Variants in BRDT observed in about 807,000 individuals in gnomAD.
BRDT encodes the protein bromodomain testis associated, also known as bromodomain testis-specific protein.
In BRDT, 77 loss-of-function variants were observed where a neutral mutation model predicts 113.9. That is an observed-to-expected ratio of 0.68 (90% CI 0.56 to 0.82). The LOEUF (loss-of-function observed/expected upper bound fraction) is 0.82. Ranked by LOEUF, BRDT falls within the 40% of genes least tolerant of loss-of-function variation. The probability of loss-of-function intolerance (pLI) is 0.00; values close to 1 mark genes in which losing one functional copy is unlikely to be tolerated. For missense variants in BRDT, 1,027 were observed against 1,105.4 expected, an observed-to-expected ratio of 0.93 and a Z score of 1.01; for synonymous variants, 358 against 366.5, an observed-to-expected ratio of 0.98 and a Z score of 0.26.
intron 5 of BRDT, among the ~76,000 whole-genome samples, chr1:91,976,749 T>C (rs1684173887): frequency 6.6e-6 from 1 of 152,194 alleles, no homozygotes; most frequent in South Asian, 2.1e-4. Context: ...TTTTCAGGTG[T>C]TCAGAAACTT....
chr1:92,004,762 A>T (rs942796627), intron 17 of BRDT, 143 bp downstream of exon 17: 2 of 719,916 alleles, frequency 2.8e-6, no homozygotes, highest in African/African-American at 3.6e-5. Flanking sequence ...AGTACATTTG[A>T]TACTTTTTCT....
chr1:91,987,775 A>G (rs1310165924), intron 12 of BRDT, among the ~76,000 whole-genome samples: 4 of 151,896 alleles, frequency 2.6e-5, no homozygotes, highest in Non-Finnish European at 5.9e-5. Flanking sequence ...CAGTGCTTTG[A>G]TTGATGATAG....
intron 15 of BRDT, among the ~76,000 whole-genome samples, chr1:91,998,179 A>G (rs1686517874): frequency 2.0e-5 from 3 of 152,138 alleles, no homozygotes; most frequent in Admixed American, 2.0e-4. Context: ...TGCCGCCATG[A>G]AAAGGGATGA....
chr1:92,011,561 G>C (rs959351133), intron 18 of BRDT, among the ~76,000 whole-genome samples: 1 of 152,018 alleles, frequency 6.6e-6, no homozygotes, highest in African/African-American at 2.4e-5. Flanking sequence ...TTTCTGTAGT[G>C]ATGTAAAATG....
intron 1 of BRDT, among the ~76,000 whole-genome samples, chr1:91,952,761 T>C (rs1272343174): frequency 8.5e-6 from 1 of 117,166 alleles, no homozygotes; most frequent in African/African-American, 3.4e-5. Context: ...CTGGGTAACG[T>C]AGTGAGACCC....
At chr1:91,995,403 CTGTGTGTGTGTGTGTGTG>C (rs200254179) in intron 15 of BRDT, among the ~76,000 whole-genome samples, 9,727 of 146,694 alleles carry the variant, frequency 0.066, 373 homozygotes, top group Non-Finnish European at 0.096. Context: ...CCCTACTATT[CTGTGTGTGTGTGTGTGTG>C]TGTGTGTGTG....
chr1:91,974,724 T>C (rs973865211), intron 4 of BRDT, among the ~76,000 whole-genome samples: 35 of 152,154 alleles, frequency 2.3e-4, no homozygotes, highest in Non-Finnish European at 4.1e-4. Context: ...GTCAGTGTGG[T>C]GATTCCTCAG....
Position 92,006,782 on chromosome 1 carries a change from T to TTTTTA in BRDT, c.2775+1498_2775+1502dup, listed in dbSNP as rs1304258002. On this transcript the variant is annotated intron_variant, in intron 18 of 18. Coordinates refer to ENST00000399546, the MANE Select transcript of BRDT (RefSeq NM_207189.4). ...ATGCCCAGCCTGTTTTTTATTTTTA[T>TTTTTA]TTTTATTTTATTTTATTTTTTTGAG... is the stretch of plus-strand genomic sequence containing the variant. Among the ~76,000 whole-genome samples, 4 of 151,974 alleles carry TTTTTA rather than the reference T, an allele frequency of 2.6e-5. No individual in the cohort carries two copies. The South Asian group carries it at 8.3e-4, about 32-fold the overall frequency.
intron 1 of BRDT, among the ~76,000 whole-genome samples, chr1:91,956,118 C>T (rs781701428): frequency 6.6e-6 from 1 of 152,210 alleles, no homozygotes; most frequent in Non-Finnish European, 1.5e-5. Context: ...ACATTTCTTC[C>T]TGTATACCTT....
chr1:92,002,906 T>C (rs531238487), intron 16 of BRDT, among the ~76,000 whole-genome samples: 1 of 152,320 alleles, frequency 6.6e-6, no homozygotes, highest in South Asian at 2.1e-4. Flanking sequence ...CTGTTCAAGG[T>C]GTTTTCAGAA....
At chr1:91,978,113 CAAAT>C in intron 6 of BRDT, 51 bp from the exon 7 acceptor site, 1 of 1,495,996 alleles carries the variant, frequency 6.7e-7, no homozygotes, top group East Asian at 2.3e-5. Context: ...TGTACGTGGT[CAAAT>C]AATTATTGAA....
chr1:91,956,364 G>A (rs1014574078), intron 1 of BRDT, among the ~76,000 whole-genome samples: 2 of 150,266 alleles, frequency 1.3e-5, no homozygotes, highest in African/African-American at 2.5e-5. Context: ...TCTTAATGTA[G>A]AGTCATTTTT....
At chr1:91,954,742 G>GGTCAGAAGTTC (rs1681545224) in intron 1 of BRDT, among the ~76,000 whole-genome samples, 1 of 152,102 alleles carries the variant, frequency 6.6e-6, no homozygotes, top group Non-Finnish European at 1.5e-5. Flanking sequence ...GATCACTTGA[G>GGTCAGAAGTTC]AACCAAGAGT....
At chr1:91,980,499 GAAATT>G in intron 8 of BRDT, 139 bp from the exon 9 acceptor site, 2 of 700,504 alleles carry the variant, frequency 2.9e-6, no homozygotes, top group South Asian at 4.6e-5. Flanking sequence ...ATGCATTTGT[GAAATT>G]AAATAAAAAC....
At chr1:91,996,981 CAGG>C (rs1250520383) in intron 15 of BRDT, among the ~76,000 whole-genome samples, 1 of 151,818 alleles carries the variant, frequency 6.6e-6, no homozygotes, top group Non-Finnish European at 1.5e-5. Context: ...ATCTGCAGAG[CAGG>C]AAGAGAAAAG....
At position 91,964,663 on chromosome 1, in the gene BRDT, A is replaced by C; in HGVS notation, c.229A>C (p.Asn77His). 6.8e-7 allele frequency: 1 copy of C among 1,479,406 alleles called. No individual in the cohort carries two copies. 91.6% of individuals were successfully genotyped at this position (1,479,406 alleles called of 1,614,324 possible). Residue 77 changes from asparagine (N) to histidine (H), a missense_variant, in exon 3 of 19, where the codon AAT becomes CAT. Coordinates refer to ENST00000399546, the MANE Select transcript of BRDT (RefSeq NM_207189.4). ...YTIIKNPMDLNTIKKRLENKY... is the reference protein window; with the variant it reads ...YTIIKNPMDLHTIKKRLENKY... The stretch of plus-strand genomic sequence containing the variant: ...CATTATAAAAAACCCAATGGATTTA[A>C]ATACAATTAAGAAGCGCTTGGAGAA...
At chr1:91,968,288 TTCTC>T in intron 4 of BRDT, 28 bp downstream of exon 4, 1 of 1,606,854 alleles carries the variant, frequency 6.2e-7, no homozygotes, top group Non-Finnish European at 8.5e-7. Flanking sequence ...CACTTTATGG[TTCTC>T]TCTCTTTTTT....
rs576028273 is a variant in BRDT, at chr1:91,991,149, T to A, written c.2003-35T>A. ...TATAACTTGGTATTTTTTAAGCTAA[T>A]AAATATTAAAATATTTATGTGTATA... On this transcript the variant is annotated intron_variant, in intron 12 of 18. Transcript: ENST00000399546. 37 of 1,315,562 alleles carry A rather than the reference T, an allele frequency of 2.8e-5. No individual in the cohort carries two copies. The African/African-American group carries it at 4.8e-4, about 17-fold the overall frequency. 81.5% of individuals were successfully genotyped at this position (1,315,562 alleles called of 1,614,324 possible).
rs1682864622 is a variant in BRDT, at chr1:91,964,655, T to C, written c.221T>C (p.Met74Thr). Reference sequence around the variant, plus strand: ...TATTATACCATTATAAAAAACCCAATGGATTTAAATACAATTAAGAAGCGC... The same window carrying C: ...TATTATACCATTATAAAAAACCCAACGGATTTAAATACAATTAAGAAGCGC... ...PDYYTIIKNP[M>T]DLNTIKKRLE... is the part of the protein sequence containing the mutation. Residue 74 changes from methionine to threonine, a missense_variant, in exon 3 of 19, where the codon ATG becomes ACG. Physicochemically the swap from Met to Thr is moderately conservative, Grantham distance 81 (BLOSUM62 -1). Coordinates refer to ENST00000399546, the MANE Select transcript of BRDT (RefSeq NM_207189.4). The C allele has an allele frequency of 2.1e-6, 3 of 1,457,136 alleles. No individual in the cohort carries two copies. Among genetic ancestry groups the C allele is most frequent in the African/African-American group, 1.4e-5 (1 of 71,222 alleles). The allele number at this position is 1,457,136 out of a possible 1,614,324, so 90.3% of individuals were successfully genotyped here.
Sources: gnomAD v4.1 joint callset for allele counts (sites outside exome capture counted in the v4.1 genomes callset) on GRCh38, gnomAD v4.1.1 for gene constraint, MANE v1.5 for transcripts, NCBI Gene and HGNC (gene_info 2026-07-23, HGNC 2026-07-21) for gene names.